The following ARHGEF10 variants were observed in gnomAD, a reference collection of about 807,000 sequenced individuals.
The protein encoded by ARHGEF10 is Rho guanine nucleotide exchange factor (GEF) 10.
Under a neutral mutation model 147.4 loss-of-function variants are expected in ARHGEF10, and 140 were observed. The observed-to-expected ratio is 0.95, with a 90% CI of 0.83 to 1.09. ARHGEF10 has a LOEUF of 1.09. ARHGEF10 is among the 50% of genes least tolerant of loss of function. ARHGEF10 has a pLI of 0.00. For synonymous variants in ARHGEF10, 902 were observed against 695.8 expected (o/e 1.30, Z -4.67); for missense variants, 2,222 against 1,752.7 (o/e 1.27, Z -4.78).
chr8:1,848,296 C>A (rs1231675528), intron 2 of ARHGEF10, among the ~76,000 whole-genome samples: 1 of 152,206 alleles, frequency 6.6e-6, no homozygotes, highest in Non-Finnish European at 1.5e-5. Context: ...TTGCAACATG[C>A]CCCAGGGAGG....
chr8:1,862,827 G>A (rs1460256055), intron 4 of ARHGEF10, among the ~76,000 whole-genome samples: 1 of 144,552 alleles, frequency 6.9e-6, no homozygotes, highest in Admixed American at 7.1e-5. Context: ...CGCTCAGGCT[G>A]GAGTACAGTG....
intron 27 of ARHGEF10, 67 bp downstream of exon 27, chr8:1,945,722 G>A (rs147806569): frequency 5.0e-5 from 80 of 1,595,734 alleles, no homozygotes; most frequent in South Asian, 7.7e-5. Context: ...GGTGCGGAGC[G>A]CTGTCAGCCC....
At chr8:1,842,829 G>A (rs1804198802) in intron 1 of ARHGEF10, among the ~76,000 whole-genome samples, 1 of 152,240 alleles carries the variant, frequency 6.6e-6, no homozygotes, top group Admixed American at 6.5e-5. Flanking sequence ...ACAACAGCAG[G>A]CAGGCCGGGA....
intron 18 of ARHGEF10, among the ~76,000 whole-genome samples, chr8:1,919,582 A>G (rs1355896408): frequency 5.3e-3 from 501 of 94,394 alleles, no homozygotes; most frequent in Middle Eastern, 0.027. Flanking sequence ...TGTTCTGTGG[A>G]TGATGGAGCT....
chr8:1,923,358 A>G, intron 19 of ARHGEF10, 110 bp from the exon 20 acceptor site: 2 of 1,487,092 alleles, frequency 1.3e-6, no homozygotes, highest in South Asian at 2.4e-5. Flanking sequence ...ATAATCTAAT[A>G]GTTTCATTTG....
rs778590591 is a variant in ARHGEF10 at position 1,945,486 on chromosome 8, G to T, written c.3228G>T (p.Gln1076His). Residue 1076 changes from glutamine to histidine, a missense_variant, in exon 27 of 29, where the codon CAG becomes CAT. Transcript: ENST00000349830. ...TTGACCTCTCGATTTCACAGGGTCAGCTGGAGGCCCACCAGGAGGAAGGCA... is the reference window on the plus strand; with the variant it reads ...TTGACCTCTCGATTTCACAGGGTCATCTGGAGGCCCACCAGGAGGAAGGCA... ...ISVETHAVEGQLEAHQEEGMV... is the reference protein window; with the variant it reads ...ISVETHAVEGHLEAHQEEGMV... The T allele has an allele frequency of 6.9e-6, 11 of 1,598,278 alleles. No individual in the cohort carries two copies. The highest frequency in any genetic ancestry group is 9.4e-6 in the Non-Finnish European group (11 of 1,172,326).
intron 1 of ARHGEF10, among the ~76,000 whole-genome samples, chr8:1,835,820 GA>G (rs1375686921): frequency 6.6e-6 from 1 of 152,228 alleles, no homozygotes; most frequent in East Asian, 1.9e-4. Context: ...CACACGGCAT[GA>G]AACGGTCCTT....
intron 1 of ARHGEF10, among the ~76,000 whole-genome samples, chr8:1,842,992 C>G (rs10113726): frequency 6.6e-6 from 1 of 152,032 alleles, no homozygotes; most frequent in Non-Finnish European, 1.5e-5. Flanking sequence ...TGGAAGAAAC[C>G]CATTTGGTTT....
chr8:1,928,707 G>A (rs1180699738), intron 24 of ARHGEF10, 57 bp downstream of exon 24: 2 of 1,580,110 alleles, frequency 1.3e-6, no homozygotes, highest in Non-Finnish European at 1.7e-6. Flanking sequence ...TGGAGGGCGT[G>A]GTGGGGAGCC....
intron 7 of ARHGEF10, among the ~76,000 whole-genome samples, chr8:1,875,188 C>G (rs368688902): frequency 9.1e-6 from 1 of 109,498 alleles, no homozygotes; most frequent in Non-Finnish European, 1.9e-5. Context: ...CAGACACACA[C>G]GGGGCTGTGT....
chr8:1,862,129 A>G (rs1302741312), intron 4 of ARHGEF10, among the ~76,000 whole-genome samples: 1 of 152,170 alleles, frequency 6.6e-6, no homozygotes, highest in East Asian at 1.9e-4. Flanking sequence ...GAGGTGGAAA[A>G]GCGTGGATTT....
In ARHGEF10 at chr8:1,833,541, C is replaced by T. The variant is rs969421495; in HGVS notation, c.-48+9428C>T. On this transcript the variant is annotated intron_variant, in intron 1 of 28. Transcript: ENST00000349830. ...GCATCCGCCCCAAGCACGGCCCTCA[C>T]GGCTGCCTCTGGCTCTTCTTTGGCG... Among the ~76,000 whole-genome samples, 70 of 152,186 alleles carry T rather than the reference C, an allele frequency of 4.6e-4. 1 individual carries two copies. Among genetic ancestry groups the T allele is most frequent in the Admixed American group, 2.1e-3 (32 of 15,278 alleles).
chr8:1,830,237 G>GCAGGCGGCTTATTTCCCGTGGGGCT (rs1563144698), intron 1 of ARHGEF10, among the ~76,000 whole-genome samples: 1 of 67,692 alleles, frequency 1.5e-5, no homozygotes, highest in Non-Finnish European at 3.2e-5. Context: ...GGCATGCGTG[G>GCAGGCGGCTTATTTCCCGTGGGGCT]CAGGCGGCTC....
At chr8:1,885,741 C>A in intron 11 of ARHGEF10, 34 bp downstream of exon 11, 1 of 1,472,832 alleles carries the variant, frequency 6.8e-7, no homozygotes, top group South Asian at 1.1e-5. Context: ...GGCTGTTGAC[C>A]AGCAGAGCTG....
intron 2 of ARHGEF10, among the ~76,000 whole-genome samples, chr8:1,845,011 T>A (rs1332597030): frequency 6.6e-6 from 1 of 152,198 alleles, no homozygotes; most frequent in African/African-American, 2.4e-5. Context: ...TGATGGTGCA[T>A]GCCTGTAGTC....
At chr8:1,924,786 C>G (rs1486309385) in intron 21 of ARHGEF10, among the ~76,000 whole-genome samples, 1 of 152,210 alleles carries the variant, frequency 6.6e-6, no homozygotes, top group East Asian at 1.9e-4. Flanking sequence ...CCCCTTTCGT[C>G]TTCAGATCAG....
At chr8:1,844,474 G>GTGGACGACAGAGACGGGAGAAT (rs1804387655) in intron 2 of ARHGEF10, among the ~76,000 whole-genome samples, 1 of 17,934 alleles carries the variant, frequency 5.6e-5, no homozygotes, top group Non-Finnish European at 1.7e-4. Flanking sequence ...GTGAGCAGTG[G>GTGGACGACAGAGACGGGAGAAT]CCACCCCAGA....
At chr8:1,832,506 GCAGAGACAGAGA>G (rs199925013) in intron 1 of ARHGEF10, among the ~76,000 whole-genome samples, 2 of 116,248 alleles carry the variant, frequency 1.7e-5, no homozygotes, top group African/African-American at 7.0e-5. Flanking sequence ...AGAGACACAG[GCAGAGACAGAGA>G]CAGAGGTAGA....
chr8:1,837,097 C>T (rs1027716465), intron 1 of ARHGEF10, among the ~76,000 whole-genome samples: 2 of 152,212 alleles, frequency 1.3e-5, no homozygotes, highest in Non-Finnish European at 2.9e-5. Context: ...CTTAGGAATG[C>T]AGTTTTTAAG....
Sources: gnomAD v4.1 joint callset for allele counts (sites outside exome capture counted in the v4.1 genomes callset) on GRCh38, gnomAD v4.1.1 for gene constraint, MANE v1.5 for transcripts, NCBI Gene and HGNC (gene_info 2026-07-23, HGNC 2026-07-21) for gene names.